TBCEL: variants seen among roughly 807,000 people sequenced by gnomAD.
TBCEL encodes the protein tubulin-specific chaperone cofactor E-like protein.
In TBCEL, 15 loss-of-function variants were observed where a neutral mutation model predicts 44.2. That is an observed-to-expected ratio of 0.34 (90% CI 0.23 to 0.52). TBCEL has a LOEUF of 0.52. TBCEL is among the 20% of genes least tolerant of loss of function. The probability of loss-of-function intolerance (pLI) is 0.95; values close to 1 mark genes in which losing one functional copy is unlikely to be tolerated. For missense variants in TBCEL, 319 were observed against 506.3 expected, an observed-to-expected ratio of 0.63 and a Z score of 3.55; for synonymous variants, 171 against 185.4, an observed-to-expected ratio of 0.92 and a Z score of 0.63.
intron 7 of TBCEL, among the ~76,000 whole-genome samples, chr11:121,059,491 A>G (rs538392658): frequency 6.6e-6 from 1 of 152,082 alleles, no homozygotes; most frequent in Admixed American, 6.6e-5. Flanking sequence ...AGGGTAAAAT[A>G]AATACTGGAT....
At chr11:121,065,075 C>T (rs756885686) in intron 8 of TBCEL, among the ~76,000 whole-genome samples, 1 of 152,156 alleles carries the variant, frequency 6.6e-6, no homozygotes, top group Non-Finnish European at 1.5e-5. Flanking sequence ...ATCCGCCTGC[C>T]TCGGCCTCCC....
At chr11:121,044,954 C>G (rs1945402761) in intron 2 of TBCEL, among the ~76,000 whole-genome samples, 1 of 152,058 alleles carries the variant, frequency 6.6e-6, no homozygotes, top group Admixed American at 6.6e-5. Flanking sequence ...GAGATATGTA[C>G]CAGTATGGCA....
intron 4 of TBCEL, among the ~76,000 whole-genome samples, chr11:121,048,101 CTT>C: frequency 6.6e-6 from 1 of 151,970 alleles, no homozygotes; most frequent in East Asian, 1.9e-4. Context: ...GTTGATTAGT[CTT>C]TGTCAGCTTA....
At chr11:121,068,338 T>A (rs1945859709) in intron 8 of TBCEL, among the ~76,000 whole-genome samples, 1 of 151,962 alleles carries the variant, frequency 6.6e-6, no homozygotes, top group African/African-American at 2.4e-5. Context: ...GAAAAAACAC[T>A]GGAGTCATTC....
rs1302884762 is a variant in TBCEL at position 121,088,810 on chromosome 11, C to G, written c.*1714C>G. On this transcript the variant is annotated 3_prime_UTR_variant, in exon 9 of 9. Transcript: ENST00000683345. ...CTATCTGTAAAGCCTTTGACCCAGGCCTACTGAGTCAAATCTACATTCAGT... is the reference window on the plus strand; with the variant it reads ...CTATCTGTAAAGCCTTTGACCCAGGGCTACTGAGTCAAATCTACATTCAGT... The G allele has an allele frequency of 6.6e-6, 1 of 152,060 alleles. No individual in the cohort carries two copies. Among genetic ancestry groups the G allele is most frequent in the African/African-American group, 2.4e-5 (1 of 41,398 alleles). 9.4% of individuals were successfully genotyped at this position (152,060 alleles called of 1,614,324 possible). A position where few individuals can be genotyped will look rare whatever the true frequency, so the allele number is the denominator to read the frequency against.
chr11:121,075,568 G>T (rs1946018043), intron 8 of TBCEL, among the ~76,000 whole-genome samples: 1 of 151,956 alleles, frequency 6.6e-6, no homozygotes, highest in Non-Finnish European at 1.5e-5. Context: ...AGATGAGTTT[G>T]GGGAAGGTTA....
intron 8 of TBCEL, among the ~76,000 whole-genome samples, chr11:121,062,078 T>A (rs952474350): frequency 2.6e-5 from 4 of 152,156 alleles, no homozygotes; most frequent in African/African-American, 7.2e-5. Flanking sequence ...TTCTACTTTT[T>A]AAATTTTTTT....
intron 8 of TBCEL, 67 bp downstream of exon 8, chr11:121,060,152 G>T: frequency 1.8e-6 from 2 of 1,084,322 alleles, no homozygotes; most frequent in South Asian, 1.4e-5. Context: ...TCTAGTGTTA[G>T]AGCAAAATCT....
chr11:121,075,801 G>A (rs1393572709), intron 8 of TBCEL, among the ~76,000 whole-genome samples: 1 of 151,936 alleles, frequency 6.6e-6, no homozygotes, highest in African/African-American at 2.4e-5. Flanking sequence ...ATCATAAAGT[G>A]TACTTACATA....
chr11:121,053,486 G>T, intron 4 of TBCEL, 65 bp from the exon 5 acceptor site: 1 of 1,496,918 alleles, frequency 6.7e-7, no homozygotes, highest in African/African-American at 1.4e-5. Context: ...AGGCTTTCTT[G>T]AGCATGATTG....
At chr11:121,044,706 A>G (rs1360928162) in intron 2 of TBCEL, among the ~76,000 whole-genome samples, 1 of 152,016 alleles carries the variant, frequency 6.6e-6, no homozygotes, top group Non-Finnish European at 1.5e-5. Context: ...GTTGTTTAAT[A>G]TTACCTGTTT....
At position 121,084,190 on chromosome 11, in the gene TBCEL, G is replaced by A. The variant is rs372410778; in HGVS notation, c.957-2588G>A. On this transcript the variant is annotated intron_variant, in intron 8 of 8. Transcript: ENST00000683345. ...AGTTTCCAGCACATGAGCTTGGTGA[G>A]GGGGAGCACATTCAAACCAAAGCAC... 8.5e-5 allele frequency among the ~76,000 whole-genome samples: 13 copies of A among 152,284 alleles called. No homozygotes were observed. In the South Asian group the frequency reaches 2.1e-3, roughly 24 times the overall value.
chr11:121,081,126 G>A (rs1167473594), intron 8 of TBCEL, among the ~76,000 whole-genome samples: 1 of 152,108 alleles, frequency 6.6e-6, no homozygotes, highest in Non-Finnish European at 1.5e-5. Flanking sequence ...AATAAGAAGG[G>A]GGAAAAAACA....
intron 1 of TBCEL, among the ~76,000 whole-genome samples, chr11:121,030,601 G>C (rs1356050154): frequency 2.0e-5 from 3 of 152,104 alleles, no homozygotes; most frequent in Non-Finnish European, 4.4e-5. Flanking sequence ...AGTTACACAG[G>C]GGTATGAGAA....
At chr11:121,040,049 A>AATT (rs1242414563) in intron 2 of TBCEL, among the ~76,000 whole-genome samples, 2 of 152,214 alleles carry the variant, frequency 1.3e-5, no homozygotes, top group Non-Finnish European at 2.9e-5. Context: ...AAATTAATGC[A>AATT]CATTTGAATT....
chr11:121,086,739 A>T (rs745370895), intron 8 of TBCEL, 39 bp from the exon 9 acceptor site: 1 of 1,473,184 alleles, frequency 6.8e-7, no homozygotes, highest in Non-Finnish European at 9.4e-7. Flanking sequence ...TACATGTGCT[A>T]GTAGTTTAAG....
intron 2 of TBCEL, among the ~76,000 whole-genome samples, chr11:121,040,830 G>A (rs982641668): frequency 6.6e-6 from 1 of 151,906 alleles, no homozygotes; most frequent in Non-Finnish European, 1.5e-5. Flanking sequence ...TGTTCAAAAG[G>A]GTAAACATTG....
chr11:121,037,050 A>G (rs1945244163), intron 2 of TBCEL, among the ~76,000 whole-genome samples: 1 of 152,208 alleles, frequency 6.6e-6, no homozygotes, highest in African/African-American at 2.4e-5. Context: ...AGGAATGATC[A>G]GGAGTCCAAA....
intron 1 of TBCEL, among the ~76,000 whole-genome samples, chr11:121,027,351 C>T (rs1945064257): frequency 6.6e-6 from 1 of 152,176 alleles, no homozygotes; most frequent in Admixed American, 6.5e-5. Flanking sequence ...ATGGTAATAA[C>T]TGGACTGTTC....
Sources: allele counts gnomAD v4.1 joint callset (sites outside exome capture counted in the v4.1 genomes callset), GRCh38; gene constraint gnomAD v4.1.1; transcripts MANE v1.5; gene names NCBI Gene and HGNC (gene_info 2026-07-23, HGNC 2026-07-21).